FGF14: variants seen among roughly 807,000 people sequenced by gnomAD.
FGF14 encodes the protein fibroblast growth factor homologous factor 4.
Under a neutral mutation model 25.5 loss-of-function variants are expected in FGF14, and 5 were observed. That is an observed-to-expected ratio of 0.20 (90% CI 0.10 to 0.41). The LOEUF (loss-of-function observed/expected upper bound fraction) is 0.41. FGF14 is among the 10% of genes least tolerant of loss of function. The pLI, the probability that FGF14 is intolerant of heterozygous loss-of-function variation, is 1.00. For missense variants in FGF14, 222 were observed against 320.1 expected, an observed-to-expected ratio of 0.69 and a Z score of 2.34; for synonymous variants, 138 against 118.3, an observed-to-expected ratio of 1.17 and a Z score of -1.08.
At chr13:102,388,897 C>T (rs2058368541) in intron 1 of FGF14, among the ~76,000 whole-genome samples, 1 of 152,060 alleles carries the variant, frequency 6.6e-6, no homozygotes, top group African/African-American at 2.4e-5. Flanking sequence ...GCTTTTGGAC[C>T]CCAAAATATG....
At chr13:102,266,408 T>TA (rs1391373162) in intron 1 of FGF14, among the ~76,000 whole-genome samples, 2 of 152,016 alleles carry the variant, frequency 1.3e-5, no homozygotes, top group East Asian at 3.9e-4. Flanking sequence ...AATTACAAAA[T>TA]AAAAACCTGT....
chr13:102,184,896 T>C (rs1488355277), intron 1 of FGF14, among the ~76,000 whole-genome samples: 1 of 152,210 alleles, frequency 6.6e-6, no homozygotes, highest in Non-Finnish European at 1.5e-5. Flanking sequence ...GCATCATTTA[T>C]AATAACAGTG....
chr13:101,866,978 A>G (rs1286756098), intron 3 of FGF14, among the ~76,000 whole-genome samples: 1 of 152,126 alleles, frequency 6.6e-6, no homozygotes, highest in Non-Finnish European at 1.5e-5. Context: ...AAAGCCACCA[A>G]AGGGGAGGCC....
chr13:101,784,356 T>C (rs969666007), intron 3 of FGF14, among the ~76,000 whole-genome samples: 1 of 152,204 alleles, frequency 6.6e-6, no homozygotes, highest in South Asian at 2.1e-4. Flanking sequence ...CAGAAAATTT[T>C]CTACATTCTG....
At chr13:102,214,925 T>C (rs937573133) in intron 1 of FGF14, among the ~76,000 whole-genome samples, 1 of 152,184 alleles carries the variant, frequency 6.6e-6, no homozygotes, top group Admixed American at 6.5e-5. Context: ...ATATTTGGTA[T>C]GGAAAGGCCA....
At chr13:101,993,189 A>AT (rs944159877) in intron 1 of FGF14, among the ~76,000 whole-genome samples, 14 of 127,316 alleles carry the variant, frequency 1.1e-4, no homozygotes, top group African/African-American at 4.1e-4. Flanking sequence ...TAAAGCATTG[A>AT]TTAAAAAAAA....
chr13:102,350,236 G>A (rs948572242), intron 1 of FGF14, among the ~76,000 whole-genome samples: 2 of 152,302 alleles, frequency 1.3e-5, no homozygotes, highest in African/African-American at 4.8e-5. Flanking sequence ...CAGTGTGGTG[G>A]CACATGCCTG....
intron 1 of FGF14, among the ~76,000 whole-genome samples, chr13:102,117,435 G>A (rs1036875433): frequency 6.6e-5 from 10 of 152,098 alleles, no homozygotes; most frequent in African/African-American, 2.2e-4. Flanking sequence ...ACAATCCTAA[G>A]TTTATTCCAG....
At chr13:101,769,102 C>T (rs1482432618) in intron 3 of FGF14, among the ~76,000 whole-genome samples, 3 of 151,508 alleles carry the variant, frequency 2.0e-5, no homozygotes, top group Admixed American at 2.0e-4. Flanking sequence ...CTCTTAAAGC[C>T]CAGTAATAAA....
intron 1 of FGF14, among the ~76,000 whole-genome samples, chr13:102,102,384 G>C (rs985534955): frequency 3.3e-5 from 5 of 152,210 alleles, no homozygotes; most frequent in Non-Finnish European, 7.4e-5. Context: ...GGCAATGTAA[G>C]TCAGAAAAAT....
At chr13:102,271,961 G>T (rs531951470) in intron 1 of FGF14, among the ~76,000 whole-genome samples, 25 of 152,218 alleles carry the variant, frequency 1.6e-4, no homozygotes, top group African/African-American at 6.0e-4. Flanking sequence ...GGACTCAGAA[G>T]AATCTTTTTG....
At chr13:102,204,782 T>A (rs1301527150) in intron 1 of FGF14, among the ~76,000 whole-genome samples, 1 of 152,030 alleles carries the variant, frequency 6.6e-6, no homozygotes, top group Non-Finnish European at 1.5e-5. Flanking sequence ...CCTGACCAAG[T>A]GATGCTCCCA....
At chr13:101,908,507 G>A (rs889797506) in intron 1 of FGF14, among the ~76,000 whole-genome samples, 2 of 152,088 alleles carry the variant, frequency 1.3e-5, no homozygotes, top group African/African-American at 2.4e-5. Flanking sequence ...TGTCATGCAG[G>A]TAGTTGTTAA....
intron 1 of FGF14, among the ~76,000 whole-genome samples, chr13:101,953,088 C>A (rs1177285526): frequency 6.9e-6 from 1 of 144,416 alleles, no homozygotes; most frequent in African/African-American, 2.6e-5. Flanking sequence ...CATTTTTTAC[C>A]CTCCCTCTAC....
At chr13:102,297,254 C>T (rs773742228) in intron 1 of FGF14, among the ~76,000 whole-genome samples, 1 of 152,088 alleles carries the variant, frequency 6.6e-6, no homozygotes, top group Non-Finnish European at 1.5e-5. Flanking sequence ...AACCAAAGCT[C>T]TTCAAAACTG....
chr13:101,820,797 C>CACACACACA (rs2042094210), intron 3 of FGF14, among the ~76,000 whole-genome samples: 1 of 124,592 alleles, frequency 8.0e-6, no homozygotes, highest in Non-Finnish European at 1.8e-5. Flanking sequence ...CACACACACA[C>CACACACACA]ACACACACAA....
chr13:102,244,038 T>C (rs1010085891), intron 1 of FGF14, among the ~76,000 whole-genome samples: 2 of 152,006 alleles, frequency 1.3e-5, no homozygotes, highest in African/African-American at 4.8e-5. Context: ...CCCTCATCAT[T>C]ATATTTAGTA....
intron 1 of FGF14, among the ~76,000 whole-genome samples, chr13:102,382,753 AG>A (rs1490383286): frequency 6.6e-6 from 1 of 152,144 alleles, no homozygotes; most frequent in Non-Finnish European, 1.5e-5. Flanking sequence ...AATTTTAAAA[AG>A]GGGTATATCC....
Position 101,933,858 on chromosome 13 carries a change from GTATA to G in FGF14, c.209-58566_209-58563del, listed in dbSNP as rs199915510. Among the ~76,000 whole-genome samples, 1,133 of 152,022 alleles carry G rather than the reference GTATA, an allele frequency of 7.5e-3. 12 individuals carry two copies. The highest frequency in any genetic ancestry group is 0.01 in the Non-Finnish European group (683 of 67,990). ...TTACTCTAAATATTATTGCTCATAT[GTATA>G]TATATTTGACAAATAATACTTTATA... On this transcript the variant is annotated intron_variant, in intron 1 of 4. Transcript: ENST00000376131.
Sources: allele counts gnomAD v4.1 joint callset (sites outside exome capture counted in the v4.1 genomes callset), GRCh38; gene constraint gnomAD v4.1.1; transcripts MANE v1.5; gene names NCBI Gene and HGNC (gene_info 2026-07-23, HGNC 2026-07-21).